Variants in COL23A1 observed in about 807,000 individuals in gnomAD.
COL23A1 encodes collagen alpha-1(XXIII) chain.
A neutral mutation model predicts 99.3 loss-of-function variants in COL23A1; 97 were observed. That is an observed-to-expected ratio of 0.98 (90% CI 0.83 to 1.16). The LOEUF (loss-of-function observed/expected upper bound fraction) is 1.16. COL23A1 is among the 50% of genes most tolerant of loss of function. The probability of loss-of-function intolerance (pLI) is 0.00; values close to 1 mark genes in which losing one functional copy is unlikely to be tolerated. For missense variants in COL23A1, 762 were observed against 757.4 expected (o/e 1.01, Z -0.07); for synonymous variants, 320 against 308.2 (o/e 1.04, Z -0.40).
At position 178,238,557 on chromosome 5, in the gene COL23A1, G is replaced by T; in HGVS notation, c.*141C>A. 3 of 1,152,100 alleles carry T rather than the reference G, an allele frequency of 2.6e-6. No homozygotes were observed. In the South Asian group the frequency reaches 4.0e-5, roughly 16 times the overall value. 71.4% of individuals were successfully genotyped at this position (1,152,100 alleles called of 1,614,324 possible). ...CAGCTTCACATGCCGGTGGCTTTGG[G>T]GCTGGGTGGGCATACTCTTGAATGT... On this transcript the variant is annotated 3_prime_UTR_variant, in exon 29 of 29. Transcript: ENST00000390654.
intron 3 of COL23A1, among the ~76,000 whole-genome samples, chr5:178,296,519 T>C (rs558599108): frequency 1.3e-5 from 2 of 152,248 alleles, no homozygotes; most frequent in East Asian, 3.9e-4. Flanking sequence ...GGGAAGGCAC[T>C]TTCGTCCGTG....
chr5:178,401,199 T>C (rs1181552878), intron 2 of COL23A1, among the ~76,000 whole-genome samples: 1 of 152,250 alleles, frequency 6.6e-6, no homozygotes, highest in Non-Finnish European at 1.5e-5. Context: ...CTTTTAAGGC[T>C]GAGCAAATAC....
chr5:178,254,757 A>C (rs778997027), intron 16 of COL23A1, among the ~76,000 whole-genome samples, 192 bp downstream of exon 16: 1 of 152,106 alleles, frequency 6.6e-6, no homozygotes, highest in Non-Finnish European at 1.5e-5. Context: ...CCACATTCAC[A>C]GGGGCTCTCT....
chr5:178,479,100 C>CATG (rs34923189), intron 2 of COL23A1, among the ~76,000 whole-genome samples: 53,965 of 151,018 alleles, frequency 0.36, 11,461 homozygotes, highest in Admixed American at 0.49. Context: ...GGATCACCCT[C>CATG]ATGATGATGA....
chr5:178,397,745 T>C (rs1180037416), intron 2 of COL23A1, among the ~76,000 whole-genome samples: 1 of 152,170 alleles, frequency 6.6e-6, no homozygotes, highest in East Asian at 1.9e-4. Context: ...TCCCAGCACT[T>C]TGGGAGGCTG....
intron 28 of COL23A1, among the ~76,000 whole-genome samples, chr5:178,238,904 T>C (rs771824081): frequency 2.6e-5 from 4 of 152,238 alleles, no homozygotes; most frequent in Non-Finnish European, 5.9e-5. Context: ...GTTGAGTCCA[T>C]GTGACCCACA....
intron 2 of COL23A1, among the ~76,000 whole-genome samples, chr5:178,404,062 A>G (rs1764618183): frequency 6.6e-6 from 1 of 152,158 alleles, no homozygotes; most frequent in Admixed American, 6.5e-5. Flanking sequence ...CCTGCACCCC[A>G]TGTCTCCCCA....
chr5:178,487,216 C>A (rs1757679893), intron 2 of COL23A1, among the ~76,000 whole-genome samples: 1 of 152,344 alleles, frequency 6.6e-6, no homozygotes, highest in Non-Finnish European at 1.5e-5. Flanking sequence ...CCAGTTGACA[C>A]ACTATCTCCA....
chr5:178,338,489 A>G (rs1487114989), intron 2 of COL23A1, among the ~76,000 whole-genome samples: 1 of 152,218 alleles, frequency 6.6e-6, no homozygotes, highest in Non-Finnish European at 1.5e-5. Flanking sequence ...TCATCCTGGA[A>G]GCCCTTTAAT....
intron 1 of COL23A1, among the ~76,000 whole-genome samples, chr5:178,587,967 T>C (rs1764084493): frequency 6.6e-6 from 1 of 152,192 alleles, no homozygotes; most frequent in African/African-American, 2.4e-5. Flanking sequence ...GACTCTCCAC[T>C]GGCGGGAAAA....
chr5:178,546,034 C>T (rs1406317524), intron 2 of COL23A1, among the ~76,000 whole-genome samples: 1 of 152,094 alleles, frequency 6.6e-6, no homozygotes, highest in Non-Finnish European at 1.5e-5. Flanking sequence ...CTCCACGAGG[C>T]ACCCTAGATT....
At chr5:178,484,821 CAA>C (rs397746374) in intron 2 of COL23A1, among the ~76,000 whole-genome samples, 26,205 of 89,674 alleles carry the variant, frequency 0.29, 2,748 homozygotes, top group East Asian at 0.58. Flanking sequence ...GACTCTGTCT[CAA>C]AAAAAAAAAA....
intron 2 of COL23A1, among the ~76,000 whole-genome samples, chr5:178,430,354 G>A (rs558799921): frequency 6.6e-6 from 1 of 152,254 alleles, no homozygotes; most frequent in East Asian, 1.9e-4. Context: ...TTCCAGAAAC[G>A]GGTTCCGATT....
At chr5:178,500,441 AAAAAAT>A (rs1224282486) in intron 2 of COL23A1, among the ~76,000 whole-genome samples, 1 of 150,752 alleles carries the variant, frequency 6.6e-6, no homozygotes, top group Admixed American at 6.6e-5. Flanking sequence ...AAAAAAAAAA[AAAAAAT>A]GGTTTTAATT....
At chr5:178,498,767 C>A (rs1387566058) in intron 2 of COL23A1, among the ~76,000 whole-genome samples, 1 of 151,926 alleles carries the variant, frequency 6.6e-6, no homozygotes, top group Non-Finnish European at 1.5e-5. Context: ...AGGAGACATG[C>A]CTAACGCATA....
chr5:178,335,725 C>T (rs2913794), intron 2 of COL23A1, among the ~76,000 whole-genome samples: 72,523 of 152,040 alleles, frequency 0.48, 18,207 homozygotes, highest in East Asian at 0.8. Flanking sequence ...GAGGAAGATC[C>T]GCAGCAAGCT....
At position 178,434,682 on chromosome 5, in the gene COL23A1, T is replaced by C. The variant is rs2127825368; in HGVS notation, c.361+126000A>G. 6.6e-6 allele frequency among the ~76,000 whole-genome samples: 1 copy of C among 152,324 alleles called. No homozygotes were observed. Among genetic ancestry groups the C allele is most frequent in the South Asian group, 2.1e-4 (1 of 4,822 alleles). ...GGTGCTGCTGAGGGAGGGAAGAATC[T>C]GACCCTACCTGTGCCCCTCTAGAGG... On this transcript the variant is annotated intron_variant, in intron 2 of 28. Coordinates refer to ENST00000390654, the MANE Select transcript of COL23A1 (RefSeq NM_173465.4). The surrounding 1 kb of genome is among the most constrained non-coding windows in gnomAD (Gnocchi z 4.3).
intron 1 of COL23A1, among the ~76,000 whole-genome samples, chr5:178,583,349 C>T (rs547273885): frequency 8.5e-5 from 13 of 152,306 alleles, no homozygotes; most frequent in African/African-American, 3.1e-4. Context: ...CACCCTATTC[C>T]TTGGATGGTC....
intron 2 of COL23A1, among the ~76,000 whole-genome samples, chr5:178,519,805 G>A (rs1337514001): frequency 1.3e-5 from 2 of 152,238 alleles, no homozygotes; most frequent in Admixed American, 6.5e-5. Flanking sequence ...ATAGATGGAT[G>A]CATGGGAGGA....
Sources: allele counts gnomAD v4.1 joint callset (sites outside exome capture counted in the v4.1 genomes callset), GRCh38; gene constraint gnomAD v4.1.1; non-coding constraint Gnocchi (gnomAD v3.1); transcripts MANE v1.5; gene names NCBI Gene and HGNC (gene_info 2026-07-23, HGNC 2026-07-21).